Variants in SOX5 observed in about 807,000 individuals in gnomAD.
SOX5 encodes the protein SRY-box transcription factor 5.
In SOX5, 9 loss-of-function variants were observed where a neutral mutation model predicts 92.0. That is an observed-to-expected ratio of 0.10 (90% confidence interval 0.06 to 0.17). The LOEUF (loss-of-function observed/expected upper bound fraction) is 0.17, where lower values mean the gene tolerates loss of function less well. Among genes scored for constraint, SOX5 ranks in the 10% least tolerant of loss-of-function variants. The pLI is 1.00. For missense variants in SOX5, 642 were observed against 944.5 expected, an observed-to-expected ratio of 0.68 and a Z score of 4.20; for synonymous variants, 344 against 336.3, an observed-to-expected ratio of 1.02 and a Z score of -0.25.
chr12:24,113,700 G>C (rs114997062), intron 4 of SOX5, among the ~76,000 whole-genome samples: 1,781 of 152,252 alleles, frequency 0.012, 25 homozygotes, highest in African/African-American at 0.04. Context: ...GACAATGAAA[G>C]GGGCAAGAGA....
At chr12:23,963,918 A>G (rs957845950) in intron 4 of SOX5, among the ~76,000 whole-genome samples, 6 of 152,154 alleles carry the variant, frequency 3.9e-5, no homozygotes, top group East Asian at 1.9e-4. Flanking sequence ...TTAATAAAAC[A>G]TTAAAACAGT....
At chr12:24,177,147 T>C (rs969003335) in intron 4 of SOX5, among the ~76,000 whole-genome samples, 1 of 152,172 alleles carries the variant, frequency 6.6e-6, no homozygotes, top group Non-Finnish European at 1.5e-5. Flanking sequence ...TAAGGGATTA[T>C]TAACATTATC....
intron 3 of SOX5, among the ~76,000 whole-genome samples, chr12:24,234,566 CAG>C (rs1411071989): frequency 6.6e-6 from 1 of 152,006 alleles, no homozygotes; most frequent in East Asian, 1.9e-4. Flanking sequence ...TTAGTAGAGA[CAG>C]GGTTTCACCA....
intron 4 of SOX5, among the ~76,000 whole-genome samples, chr12:24,015,633 G>A (rs577190710): frequency 1.3e-4 from 20 of 152,198 alleles, no homozygotes; most frequent in African/African-American, 3.1e-4. Context: ...AAAAATGTAC[G>A]GGAGCCAATG....
intron 4 of SOX5, among the ~76,000 whole-genome samples, chr12:24,007,693 G>A (rs186937836): frequency 6.2e-5 from 2 of 32,366 alleles, no homozygotes; most frequent in African/African-American, 1.6e-4. Context: ...ATATATAAAT[G>A]TATATAAATG....
rs192948718 is a variant in SOX5 at position 24,522,224 on chromosome 12, G to T, written c.-251+40105C>A. Reference sequence around the variant, plus strand: ...GAGACTTATAAGAATGAATCACAGAGAAACAGAAAGTCTGAACAGATTTAT... The same window carrying T: ...GAGACTTATAAGAATGAATCACAGATAAACAGAAAGTCTGAACAGATTTAT... On this transcript the variant is annotated intron_variant, in intron 1 of 4. Transcript: ENST00000446891. 3.9e-3 allele frequency among the ~76,000 whole-genome samples: 588 copies of T among 150,378 alleles called. 3 individuals carry two copies. Among genetic ancestry groups the T allele is most frequent in the Admixed American group, 8.2e-3 (124 of 15,052 alleles).
chr12:23,834,689 T>C (rs1435401275), intron 3 of SOX5, among the ~76,000 whole-genome samples: 1 of 151,958 alleles, frequency 6.6e-6, no homozygotes, highest in African/African-American at 2.4e-5. Context: ...TGGACAGTTT[T>C]ATCTGAGTAA....
intron 4 of SOX5, among the ~76,000 whole-genome samples, chr12:24,154,079 C>G (rs1006792932): frequency 6.6e-6 from 1 of 152,142 alleles, no homozygotes; most frequent in Non-Finnish European, 1.5e-5. Flanking sequence ...GCTTTCCTCT[C>G]TGCAAACAGC....
At chr12:24,354,888 G>C (rs763640580) in intron 2 of SOX5, among the ~76,000 whole-genome samples, 1 of 152,124 alleles carries the variant, frequency 6.6e-6, no homozygotes, top group Admixed American at 6.5e-5. Flanking sequence ...AATCAAGGAT[G>C]CTTAAATCAA....
chr12:23,559,353 G>C (rs1407114720), intron 11 of SOX5, among the ~76,000 whole-genome samples: 4 of 152,090 alleles, frequency 2.6e-5, no homozygotes, highest in Non-Finnish European at 5.9e-5. Context: ...AACATTATTT[G>C]AATATACAAT....
At chr12:23,838,847 G>A (rs12826902) in intron 3 of SOX5, among the ~76,000 whole-genome samples, 2 of 58,678 alleles carry the variant, frequency 3.4e-5, no homozygotes, top group South Asian at 7.8e-4. Context: ...TTTTTTTGGG[G>A]GGGGGGGGCG....
At chr12:24,246,145 T>C (rs1450104483) in intron 3 of SOX5, among the ~76,000 whole-genome samples, 2 of 152,202 alleles carry the variant, frequency 1.3e-5, no homozygotes, top group East Asian at 1.9e-4. Context: ...TTTAGTCTTG[T>C]TGAACTTTTT....
At chr12:24,510,166 G>GTATATTCATGC (rs1949176925) in intron 1 of SOX5, among the ~76,000 whole-genome samples, 1 of 152,168 alleles carries the variant, frequency 6.6e-6, no homozygotes, top group African/African-American at 2.4e-5. Flanking sequence ...AGACACAAGT[G>GTATATTCATGC]TATATTCATG....
intron 4 of SOX5, among the ~76,000 whole-genome samples, chr12:24,028,968 T>C (rs577325591): frequency 1.9e-4 from 29 of 152,144 alleles, no homozygotes; most frequent in African/African-American, 7.0e-4. Context: ...TGGCGCTGCT[T>C]AGAAGCAAAA....
At chr12:23,747,306 A>T (rs2094019863) in intron 4 of SOX5, among the ~76,000 whole-genome samples, 1 of 152,060 alleles carries the variant, frequency 6.6e-6, no homozygotes, top group South Asian at 2.1e-4. Flanking sequence ...CTTTCTAGTC[A>T]TTGTCTCTAT....
chr12:23,957,521 C>A (rs879110717), intron 4 of SOX5, among the ~76,000 whole-genome samples: 1 of 152,110 alleles, frequency 6.6e-6, no homozygotes, highest in South Asian at 2.1e-4. Flanking sequence ...TTGTCTCTAT[C>A]AAAAATTTCA....
At chr12:23,622,658 T>C (rs2077320016) in intron 8 of SOX5, among the ~76,000 whole-genome samples, 1 of 152,144 alleles carries the variant, frequency 6.6e-6, no homozygotes, top group Non-Finnish European at 1.5e-5. Context: ...ATATCAACAC[T>C]GCGTCAACTT....
rs117500442 is a variant in SOX5 at position 23,619,124 on chromosome 12, G to A, written c.1018-14591C>T. Among the ~76,000 whole-genome samples the A allele has an allele frequency of 1.8e-4, 28 of 152,146 alleles. No individual in the cohort carries two copies. In the East Asian group the frequency reaches 2.7e-3, roughly 15 times the overall value. ...GTTTTAAAAAAGGACTGCTTCCTAC[G>A]GATTCCGCTCTTACTTTTTTCTTCC... On this transcript the variant is annotated intron_variant, in intron 8 of 14. Coordinates refer to ENST00000451604, the MANE Select transcript of SOX5 (RefSeq NM_006940.6).
At chr12:24,528,139 A>G (rs774674245) in intron 1 of SOX5, among the ~76,000 whole-genome samples, 1 of 152,240 alleles carries the variant, frequency 6.6e-6, no homozygotes, top group Admixed American at 6.5e-5. Flanking sequence ...CATTTTCATG[A>G]GAAGGAAGCT....
Sources: gnomAD v4.1 joint callset for allele counts (sites outside exome capture counted in the v4.1 genomes callset) on GRCh38, gnomAD v4.1.1 for gene constraint, MANE v1.5 for transcripts, NCBI Gene and HGNC (gene_info 2026-07-23, HGNC 2026-07-21) for gene names.